SYCP2: variants seen among roughly 807,000 people sequenced by gnomAD.
SYCP2 encodes synaptonemal complex protein 2.
A neutral mutation model predicts 211.3 loss-of-function variants in SYCP2; 55 were observed. The observed-to-expected ratio is 0.26, with a 90% confidence interval of 0.21 to 0.33. The LOEUF (loss-of-function observed/expected upper bound fraction) is 0.33. Among genes scored for constraint, SYCP2 ranks in the 10% least tolerant of loss-of-function variants. SYCP2 has a pLI of 1.00. For synonymous variants in SYCP2, 570 were observed against 555.2 expected (o/e 1.03, Z -0.37); for missense variants, 1,731 against 1,752.0 (o/e 0.99, Z 0.21).
At chr20:59,866,131 CAA>C (rs1475150256) in intron 41 of SYCP2, among the ~76,000 whole-genome samples, 160 bp downstream of exon 41, 2 of 151,730 alleles carry the variant, frequency 1.3e-5, no homozygotes, top group Admixed American at 1.3e-4. Context: ...GTTCGTACTT[CAA>C]AAGTGTTTCT....
At chr20:59,884,688 C>T (rs540034630) in intron 26 of SYCP2, among the ~76,000 whole-genome samples, 1 of 152,106 alleles carries the variant, frequency 6.6e-6, no homozygotes, top group Non-Finnish European at 1.5e-5. Context: ...TACATATGTT[C>T]ATTCACCTGT....
chr20:59,877,386 T>G lies in SYCP2; in HGVS notation c.3149A>C (p.Lys1050Thr). 1 of 1,563,202 alleles carries G rather than the reference T, an allele frequency of 6.4e-7. No individual in the cohort carries two copies. The highest frequency in any genetic ancestry group is 8.6e-7 in the Non-Finnish European group (1 of 1,163,908). The change falls in exon 33 of 45, where the codon AAG becomes ACG. Residue 1050 changes from lysine (K) to threonine (T), a missense_variant and splice_region_variant. Coordinates refer to ENST00000357552, the MANE Select transcript of SYCP2 (RefSeq NM_014258.4). ...SHSFKENIPV[K>T]EENIHSRMKT... ...TTAATCTGAACTGTATCTATTTACC[T>G]TTACTGGTATGTTCTCTTTAAATGA...
At chr20:59,911,478 C>G (rs1053705500) in intron 14 of SYCP2, among the ~76,000 whole-genome samples, 2 of 152,126 alleles carry the variant, frequency 1.3e-5, no homozygotes, top group Admixed American at 1.3e-4. Context: ...AAAATTTTAA[C>G]TGTCATAAAT....
chr20:59,897,295 GGATAA>G lies in SYCP2; in HGVS notation c.1405-772_1405-768del, dbSNP rs1305399374. ...ATGAAACGTGAGGGAAGGATGGAAA[GGATAA>G]GATAAAAGAAAATTCTAAGATTAAC... On this transcript the variant is annotated intron_variant, in intron 18 of 44. Coordinates refer to ENST00000357552, the MANE Select transcript of SYCP2 (RefSeq NM_014258.4). Among the ~76,000 whole-genome samples the G allele has an allele frequency of 2.0e-5, 3 of 152,180 alleles. No homozygotes were observed. In the East Asian group the frequency reaches 5.8e-4, roughly 29 times the overall value.
chr20:59,880,665 T>A (rs2059660677), intron 30 of SYCP2, among the ~76,000 whole-genome samples, 194 bp from the exon 31 acceptor site: 1 of 151,768 alleles, frequency 6.6e-6, no homozygotes, highest in Non-Finnish European at 1.5e-5. Context: ...GAAAACCAGA[T>A]CAGATAATGA....
chr20:59,865,290 CAAAAGA>C, intron 44 of SYCP2, 92 bp downstream of exon 44: 10 of 956,796 alleles, frequency 1.0e-5, no homozygotes, highest in Non-Finnish European at 1.6e-5. Flanking sequence ...TCTCTCAACC[CAAAAGA>C]AAAAGAAAGA....
intron 14 of SYCP2, among the ~76,000 whole-genome samples, chr20:59,908,758 C>CA (rs1470941441): frequency 6.6e-6 from 1 of 152,032 alleles, no homozygotes; most frequent in Non-Finnish European, 1.5e-5. Flanking sequence ...GTTCCATTTT[C>CA]ACCTCCCACT....
rs61730337 is a variant in SYCP2, at chr20:59,921,383, A to G, written c.95T>C (p.Ile32Thr). The change falls in exon 4 of 45, where the codon ATT (isoleucine) becomes ACT (threonine). Residue 32 changes from isoleucine to threonine, a missense_variant. Physicochemically the swap from Ile to Thr is moderately conservative, Grantham distance 89. Around this residue, in one of 3 missense-constraint regions of SYCP2, gnomAD observed 335 missense variants for 378.8 expected, o/e 0.88. Coordinates refer to ENST00000357552, the MANE Select transcript of SYCP2 (RefSeq NM_014258.4). The part of the protein sequence containing the change: ...DFKPLKTLLQ[I>T]DICEDVKIKC... The stretch of plus-strand genomic sequence containing the variant: ...AATCTTCACATCTTCACAAATATCA[A>G]TTTGCAAAAGTGTTTTCAAAGGTTT... The G allele has an allele frequency of 3.3e-3, 5,245 of 1,607,392 alleles. 156 individuals are homozygous for G. In the African/African-American group the frequency reaches 0.062, roughly 19 times the overall value.
At chr20:59,870,543 G>T (rs1166096516) in intron 35 of SYCP2, among the ~76,000 whole-genome samples, 1 of 151,568 alleles carries the variant, frequency 6.6e-6, no homozygotes, top group Non-Finnish European at 1.5e-5. Flanking sequence ...CAACTTTGCA[G>T]GAAATAAGAC....
At chr20:59,906,682 C>A (rs1353560098) in intron 15 of SYCP2, among the ~76,000 whole-genome samples, 1 of 151,842 alleles carries the variant, frequency 6.6e-6, no homozygotes, top group Non-Finnish European at 1.5e-5. Context: ...AAAAATAGAT[C>A]AAGTAGATTT....
At chr20:59,912,866 T>TC (rs1282481108) in intron 12 of SYCP2, among the ~76,000 whole-genome samples, 1 of 152,206 alleles carries the variant, frequency 6.6e-6, no homozygotes, top group African/African-American at 2.4e-5. Flanking sequence ...CCCTTTTGCA[T>TC]CTTCCTCATT....
chr20:59,865,784 G>T, intron 42 of SYCP2, 23 bp downstream of exon 42: 1 of 1,266,974 alleles, frequency 7.9e-7, no homozygotes, highest in Non-Finnish European at 1.1e-6. Flanking sequence ...ATAGATTATA[G>T]CCATTAAGAA....
intron 20 of SYCP2, among the ~76,000 whole-genome samples, chr20:59,894,703 C>G (rs1326070904): frequency 3.9e-5 from 6 of 151,986 alleles, no homozygotes; most frequent in African/African-American, 1.4e-4. Context: ...CCCTGTACTT[C>G]AACAGATCTC....
At chr20:59,930,539 A>G (rs1021164224) in intron 2 of SYCP2, among the ~76,000 whole-genome samples, 1 of 152,180 alleles carries the variant, frequency 6.6e-6, no homozygotes, top group African/African-American at 2.4e-5. Context: ...GACTCTAGAA[A>G]TACTAGCAAA....
rs573238953 is a variant in SYCP2 at position 59,878,756 on chromosome 20, C to T, written c.2942-711G>A. ...AATATCCTACGATTTATTTTCCATA[C>T]ATCACAATGTTAATAAGATTTACCC... On this transcript the variant is annotated intron_variant, in intron 31 of 44. Coordinates refer to ENST00000357552, the MANE Select transcript of SYCP2 (RefSeq NM_014258.4). 4.6e-5 allele frequency among the ~76,000 whole-genome samples: 7 copies of T among 152,190 alleles called. No homozygotes were observed. The South Asian group carries it at 1.0e-3, about 23-fold the overall frequency.
At chr20:59,875,601 A>T (rs1172978848) in intron 33 of SYCP2, 132 bp from the exon 34 acceptor site, 2 of 615,916 alleles carry the variant, frequency 3.2e-6, no homozygotes, top group Non-Finnish European at 5.4e-6. Context: ...GGACCTAGAC[A>T]TGAGTAGTGA....
intron 37 of SYCP2, 77 bp downstream of exon 37, chr20:59,868,758 T>C (rs1173835139): frequency 7.3e-7 from 1 of 1,375,562 alleles, no homozygotes; most frequent in African/African-American, 1.5e-5. Flanking sequence ...TGACTTAAAA[T>C]ACATAATTCC....
In SYCP2 at chr20:59,893,177, T is replaced by C. The variant is rs2059941048; in HGVS notation, c.1758A>G (p.Pro586=). 1.2e-6 allele frequency: 2 copies of C among 1,603,020 alleles called. No individual in the cohort carries two copies. Among genetic ancestry groups the C allele is most frequent in the Non-Finnish European group, 1.7e-6 (2 of 1,174,118 alleles). Residue 586 remains proline (P), a synonymous_variant, in exon 22 of 45, where the codon CCA becomes CCG. Coordinates refer to ENST00000357552, the MANE Select transcript of SYCP2 (RefSeq NM_014258.4). ...CTCTTTTTTCCGCTGCCTGTGAATC[T>C]GGTATAACATCCTGGAGTTCACCTA... ...QNFSELQDVI[P]DSQAAEKRDH... is the part of the protein sequence containing the mutation.
intron 14 of SYCP2, among the ~76,000 whole-genome samples, chr20:59,908,469 A>T (rs1165235397): frequency 1.3e-5 from 2 of 152,112 alleles, no homozygotes; most frequent in African/African-American, 2.4e-5. Context: ...CAGTATTCTA[A>T]GTTTTCCCCA....
Sources: allele counts gnomAD v4.1 joint callset (sites outside exome capture counted in the v4.1 genomes callset), GRCh38; gene constraint gnomAD v4.1.1; regional missense constraint gnomAD v4.1.1; transcripts MANE v1.5; gene names NCBI Gene and HGNC (gene_info 2026-07-23, HGNC 2026-07-21).